Variants in ATP2C1 observed in about 807,000 individuals in gnomAD.
The protein encoded by ATP2C1 is calcium-transporting ATPase type 2C member 1.
In ATP2C1, 31 loss-of-function variants were observed where a neutral mutation model predicts 120.5. The observed-to-expected ratio is 0.26, with a 90% CI of 0.19 to 0.35. The LOEUF is 0.35. Ranked by LOEUF, ATP2C1 falls within the 10% of genes least tolerant of loss-of-function variation. The probability of loss-of-function intolerance (pLI) is 1.00; values close to 1 mark genes in which losing one functional copy is unlikely to be tolerated. For missense variants in ATP2C1, 731 were observed against 1,107.5 expected (o/e 0.66, Z 4.83); for synonymous variants, 351 against 358.7 (o/e 0.98, Z 0.24).
At chr3:130,945,672 A>G (rs1175193636) in intron 8 of ATP2C1, among the ~76,000 whole-genome samples, 2 of 151,962 alleles carry the variant, frequency 1.3e-5, no homozygotes, top group Non-Finnish European at 2.9e-5. Flanking sequence ...AGCTTCATCC[A>G]TGTCCCTACA....
intron 1 of ATP2C1, among the ~76,000 whole-genome samples, chr3:130,862,248 G>C (rs541347849): frequency 2.0e-5 from 3 of 151,374 alleles, no homozygotes; most frequent in African/African-American, 7.3e-5. Flanking sequence ...CTCCCAAAGT[G>C]CTGGGATTAT....
intron 1 of ATP2C1, among the ~76,000 whole-genome samples, chr3:130,880,141 C>G (rs946278836): frequency 6.6e-6 from 1 of 152,200 alleles, no homozygotes; most frequent in African/African-American, 2.4e-5. Context: ...TGGAAAATTA[C>G]AGAGTTCCCT....
At chr3:130,901,943 A>G (rs902281189) in intron 2 of ATP2C1, among the ~76,000 whole-genome samples, 9 of 152,014 alleles carry the variant, frequency 5.9e-5, no homozygotes, top group Non-Finnish European at 8.8e-5. Context: ...CAGTGTGTAG[A>G]GACCAGGGAT....
At chr3:130,871,321 A>AT (rs1257453878) in intron 1 of ATP2C1, among the ~76,000 whole-genome samples, 1 of 152,226 alleles carries the variant, frequency 6.6e-6, no homozygotes, top group Admixed American at 6.5e-5. Context: ...TGATCAAAAT[A>AT]TTTTTAGATG....
intron 1 of ATP2C1, among the ~76,000 whole-genome samples, chr3:130,878,867 G>C (rs2068691457): frequency 6.6e-6 from 1 of 152,132 alleles, no homozygotes; most frequent in East Asian, 1.9e-4. Context: ...GAACCTTTTT[G>C]TGTTGAATTT....
Position 130,932,501 on chromosome 3 carries a change from C to T in ATP2C1, c.234+363C>T, listed in dbSNP as rs558553722. On this transcript the variant is annotated intron_variant, in intron 4 of 27. Transcript: ENST00000510168. ...AAAAGTAAGTTAGGTAAGTTAAACTCAGGCTGCCTGGGTACAAATTACACC... is the reference window on the plus strand; with the variant it reads ...AAAAGTAAGTTAGGTAAGTTAAACTTAGGCTGCCTGGGTACAAATTACACC... 4.6e-5 allele frequency among the ~76,000 whole-genome samples: 7 copies of T among 152,218 alleles called. No homozygotes were observed. In the East Asian group the frequency reaches 1.3e-3, roughly 29 times the overall value.
At chr3:130,911,733 C>T (rs2058425962) in intron 2 of ATP2C1, among the ~76,000 whole-genome samples, 1 of 151,772 alleles carries the variant, frequency 6.6e-6, no homozygotes, top group Non-Finnish European at 1.5e-5. Context: ...ACTTTCTTCA[C>T]AGAATTGGAA....
At chr3:131,003,298 A>AATC (rs2062979640), downstream of ATP2C1, 1 of 432,202 alleles carries the variant, frequency 2.3e-6, no homozygotes, top group Admixed American at 6.4e-5. Context: ...GTACAGATCC[A>AATC]GATTGCAATT....
intron 27 of ATP2C1, 33 bp downstream of exon 27, chr3:130,999,692 T>A: frequency 6.4e-7 from 1 of 1,565,544 alleles, no homozygotes; most frequent in Non-Finnish European, 8.8e-7. Context: ...CATTTATGTA[T>A]TTTAGATAAA....
chr3:130,990,536 A>C (rs2062280811), intron 20 of ATP2C1, among the ~76,000 whole-genome samples: 1 of 152,170 alleles, frequency 6.6e-6, no homozygotes, highest in Admixed American at 6.6e-5. Flanking sequence ...TGTGAACTTC[A>C]TGAGGGACCC....
chr3:130,886,955 C>G (rs565052111), intron 1 of ATP2C1, among the ~76,000 whole-genome samples: 1 of 152,156 alleles, frequency 6.6e-6, no homozygotes, highest in East Asian at 1.9e-4. Flanking sequence ...ACAGTCTGGA[C>G]TTGTTTGTGC....
intron 14 of ATP2C1, 117 bp from the exon 15 acceptor site, chr3:130,967,028 A>G: frequency 2.5e-6 from 2 of 812,358 alleles, no homozygotes; most frequent in Non-Finnish European, 4.4e-6. Flanking sequence ...AACACTTTTA[A>G]CAGTGTCATT....
chr3:130,850,712 T>C, exon 1 of ATP2C1: 2 of 513,238 alleles, frequency 3.9e-6, no homozygotes, highest in Non-Finnish European at 3.4e-6. Flanking sequence ...AGGAGGGAAG[T>C]TGTCGAGCTA....
chr3:131,005,303 A>T (rs1281890537), downstream of ATP2C1, among the ~76,000 whole-genome samples: 1 of 151,844 alleles, frequency 6.6e-6, no homozygotes, highest in Non-Finnish European at 1.5e-5. Flanking sequence ...TTTTCGGTAG[A>T]GGCAGGGTTT....
chr3:130,969,508 T>C (rs938506039), intron 17 of ATP2C1, 112 bp downstream of exon 17: 2 of 786,908 alleles, frequency 2.5e-6, no homozygotes, highest in African/African-American at 3.4e-5. Flanking sequence ...CTTGTTGCTT[T>C]AAAGTACATG....
Position 131,001,931 on chromosome 3 carries a change from T to C in ATP2C1, c.*581T>C, listed in dbSNP as rs1236440824. 6.1e-6 allele frequency: 6 copies of C among 984,936 alleles called. No homozygotes were observed. The highest frequency in any genetic ancestry group is 7.2e-6 in the Non-Finnish European group (6 of 829,080). 61.0% of individuals were successfully genotyped at this position (984,936 alleles called of 1,614,324 possible). A position where few individuals can be genotyped will look rare whatever the true frequency, so the allele number is the denominator to read the frequency against. On this transcript the variant is annotated 3_prime_UTR_variant, in exon 28 of 28. Coordinates refer to ENST00000510168, the MANE Select transcript of ATP2C1 (RefSeq NM_001378687.1). ...GTGACCACTGTCAGATCACTGTTCTTTTCTTTCTTTTTGTGATTGAAAAGC... is the reference window on the plus strand; with the variant it reads ...GTGACCACTGTCAGATCACTGTTCTCTTCTTTCTTTTTGTGATTGAAAAGC...
chr3:130,913,137 C>T (rs2058517920), intron 2 of ATP2C1, among the ~76,000 whole-genome samples: 1 of 148,950 alleles, frequency 6.7e-6, no homozygotes, highest in Admixed American at 6.7e-5. Flanking sequence ...GGGAGATATA[C>T]CTAATGCTAG....
chr3:130,913,028 T>C (rs897826219), intron 2 of ATP2C1, among the ~76,000 whole-genome samples: 3 of 138,204 alleles, frequency 2.2e-5, no homozygotes, highest in African/African-American at 8.2e-5. Flanking sequence ...CCACATATTC[T>C]CACTCATAGG....
In ATP2C1 at chr3:130,894,149, T is replaced by TGCCCG; in HGVS notation, c.-369_-368insGCCCG. The TGCCCG allele has an allele frequency of 1.4e-6, 1 of 694,858 alleles. No homozygotes were observed. The highest frequency in any genetic ancestry group is 1.8e-6 in the Non-Finnish European group (1 of 565,212). 43.0% of individuals were successfully genotyped at this position (694,858 alleles called of 1,614,324 possible). ...ACGGGTCCCCTCACCTCCTCTTCTC[T>TGCCCG]CCCCTCCCCGCCCGCCCTCTCTCCC... On this transcript the variant is annotated 5_prime_UTR_variant, in exon 1 of 28. Coordinates refer to ENST00000510168, the MANE Select transcript of ATP2C1 (RefSeq NM_001378687.1). This position sits in a 1 kb window ranked among gnomAD's most constrained non-coding sequence, Gnocchi z 4.5.
Sources: gnomAD v4.1 joint callset for allele counts (sites outside exome capture counted in the v4.1 genomes callset) on GRCh38, gnomAD v4.1.1 for gene constraint, Gnocchi (gnomAD v3.1) non-coding constraint, MANE v1.5 for transcripts, NCBI Gene and HGNC (gene_info 2026-07-23, HGNC 2026-07-21) for gene names.